AGAP1: variants seen among roughly 807,000 people sequenced by gnomAD.
AGAP1 encodes the protein arf-GAP with GTPase, ANK repeat and PH domain-containing protein 1.
A neutral mutation model predicts 105.3 loss-of-function variants in AGAP1; 29 were observed. The ratio of observed to expected loss-of-function variants is 0.28; its 90% CI spans 0.21 to 0.38. The LOEUF (loss-of-function observed/expected upper bound fraction) is 0.38, where lower values mean the gene tolerates loss of function less well. AGAP1 is among the 10% of genes least tolerant of loss of function. The pLI, the probability that AGAP1 is intolerant of heterozygous loss-of-function variation, is 1.00. For missense variants in AGAP1, 998 were observed against 1,165.1 expected (o/e 0.86, Z 2.09); for synonymous variants, 509 against 485.9 (o/e 1.05, Z -0.63).
In AGAP1 at chr2:236,120,290, G is replaced by A. The variant is rs534251010; in HGVS notation, c.2213G>A (p.Arg738Gln). Residue 738 changes from arginine to glutamine, a missense_variant, in exon 17 of 18, where the codon CGG becomes CAG. By Grantham distance (43) the Arg-to-Gln change is conservative. Around this residue, in one of 3 missense-constraint regions of AGAP1, gnomAD observed 235 missense variants for 270.7 expected, o/e 0.87. Coordinates refer to ENST00000304032, the MANE Select transcript of AGAP1 (RefSeq NM_001037131.3). This position sits in a 1 kb window ranked among gnomAD's most constrained non-coding sequence, Gnocchi z 6.0. ...CTGTCCCTGGGCCAGCACCTGCTGCGGGCCACCGCCGACGAGGACCTGCGG... is the reference window on the plus strand; with the variant it reads ...CTGTCCCTGGGCCAGCACCTGCTGCAGGCCACCGCCGACGAGGACCTGCGG... ...TELSLGQHLL[R>Q]ATADEDLRTA... The A allele has an allele frequency of 1.1e-5, 17 of 1,612,922 alleles. No individual in the cohort carries two copies. Among genetic ancestry groups the A allele is most frequent in the Non-Finnish European group, 1.4e-5 (16 of 1,179,720 alleles).
At position 236,123,246 on chromosome 2, in the gene AGAP1, TA is replaced by T. The variant is rs1306441020; in HGVS notation, c.2371-669del. ...ATGCCACGTGCCCAGCTAATTTTTT[TA>T]AAATGTGTTTTTTTCTAGAGACAGG... is the stretch of plus-strand genomic sequence containing the variant. On this transcript the variant is annotated intron_variant, in intron 17 of 17. Coordinates refer to ENST00000304032, the MANE Select transcript of AGAP1 (RefSeq NM_001037131.3). The surrounding 1 kb of genome is among the most constrained non-coding windows in gnomAD (Gnocchi z 4.6). Among the ~76,000 whole-genome samples the T allele has an allele frequency of 6.6e-6, 1 of 152,130 alleles. No individual in the cohort carries two copies. The highest frequency in any genetic ancestry group is 2.4e-5 in the African/African-American group (1 of 41,424).
At position 236,049,454 on chromosome 2, in the gene AGAP1, G is replaced by A. The variant is rs140211578; in HGVS notation, c.2114+173G>A. 8.8e-4 allele frequency: 516 copies of A among 588,600 alleles called. 2 individuals carry two copies. The highest frequency in any genetic ancestry group is 8.5e-3 in the African/African-American group (461 of 53,928). The allele number at this position is 588,600 out of a possible 1,614,324, so 36.5% of individuals were successfully genotyped here. A position where few individuals can be genotyped will look rare whatever the true frequency, so the allele number is the denominator to read the frequency against. ...TGTTTAAAGTTGGTCTTGAGCAGAC[G>A]TGGATAATTCACACTCCTTAATTTT... On this transcript the variant is annotated intron_variant, in intron 16 of 17. Transcript: ENST00000304032.
rs529305153 is a variant in AGAP1 at position 235,723,102 on chromosome 2, C to T, written c.310+5458C>T. On this transcript the variant is annotated intron_variant, in intron 3 of 17. Coordinates refer to ENST00000304032, the MANE Select transcript of AGAP1 (RefSeq NM_001037131.3). This position sits in a 1 kb window ranked among gnomAD's most constrained non-coding sequence, Gnocchi z 6.2. ...TGCTTTTGCAAGCTCTGCTGGTGTT[C>T]TAGAACCTCACAAGGACTCATCGGC... 7.2e-5 allele frequency among the ~76,000 whole-genome samples: 11 copies of T among 152,262 alleles called. No homozygotes were observed. In the East Asian group the frequency reaches 2.1e-3, roughly 30 times the overall value.
In AGAP1 at chr2:235,799,380, G is replaced by A; in HGVS notation, c.815G>A (p.Gly272Asp). 1 of 1,614,018 alleles carries A rather than the reference G, an allele frequency of 6.2e-7. No individual in the cohort carries two copies. Among genetic ancestry groups the A allele is most frequent in the Non-Finnish European group, 8.5e-7 (1 of 1,179,968 alleles). The change falls in exon 8 of 18, where the codon GGT becomes GAT. Residue 272 changes from glycine (G) to aspartate (D), a missense_variant. Physicochemically the swap from Gly to Asp is moderately conservative, Grantham distance 94. Transcript: ENST00000304032. This position sits in a 1 kb window ranked among gnomAD's most constrained non-coding sequence, Gnocchi z 5.0. ...TAATCATTTCAGACAAGTAATGGAG[G>A]TGGGAGTTTAAGCGACTATTCCTCC... Reference protein sequence around the residue: ...AVHISQTSNGGGSLSDYSSSV... With the variant: ...AVHISQTSNGDGSLSDYSSSV...
Position 235,759,664 on chromosome 2 carries a change from G to C in AGAP1, c.673+9176G>C, listed in dbSNP as rs547922491. 7.9e-5 allele frequency among the ~76,000 whole-genome samples: 12 copies of C among 152,320 alleles called. No individual in the cohort carries two copies. In the Middle Eastern group the frequency reaches 0.01, roughly 130 times the overall value. ...GTGAGGAAGAAGCCTTGGTGGGTTT[G>C]TGTGGGTCTTTCTCTTATGCCATAT... On this transcript the variant is annotated intron_variant, in intron 6 of 17. Coordinates refer to ENST00000304032, the MANE Select transcript of AGAP1 (RefSeq NM_001037131.3).
rs567815530 is a variant in AGAP1, at chr2:236,104,816, C to T, written c.2115-15376C>T. ...AGGCAGGCAGGAGAATCGCTTGAAC[C>T]GGGACCCGGGAGGCGGAGGTAGCAG... On this transcript the variant is annotated intron_variant, in intron 16 of 17. Coordinates refer to ENST00000304032, the MANE Select transcript of AGAP1 (RefSeq NM_001037131.3). This position sits in a 1 kb window ranked among gnomAD's most constrained non-coding sequence, Gnocchi z 4.7. 1.5e-4 allele frequency among the ~76,000 whole-genome samples: 23 copies of T among 151,914 alleles called. No homozygotes were observed. Among genetic ancestry groups the T allele is most frequent in the Non-Finnish European group, 2.6e-4 (18 of 67,954 alleles).
chr2:235,830,290 G>T lies in AGAP1; in HGVS notation c.1050+22959G>T, dbSNP rs1407092423. 6.6e-6 allele frequency among the ~76,000 whole-genome samples: 1 copy of T among 152,194 alleles called. No individual in the cohort carries two copies. Among genetic ancestry groups the T allele is most frequent in the South Asian group, 2.1e-4 (1 of 4,818 alleles). On this transcript the variant is annotated intron_variant, in intron 9 of 17. Transcript: ENST00000304032. The surrounding 1 kb of genome is among the most constrained non-coding windows in gnomAD (Gnocchi z 5.5). ...GAGGATTGGTTTACTTAGTAAATTC[G>T]TTGTATTTTAAAAGTCAGATGGAAT...
Position 236,119,577 on chromosome 2 carries a change from C to T in AGAP1, c.2115-615C>T, listed in dbSNP as rs1356499167. Reference sequence around the variant, plus strand: ...GGGGAGCGCACCGGCTGTCCCTTCCCCCCACCCCCGGCCCAGCTCCAGCCA... The same window carrying T: ...GGGGAGCGCACCGGCTGTCCCTTCCTCCCACCCCCGGCCCAGCTCCAGCCA... On this transcript the variant is annotated intron_variant, in intron 16 of 17. Transcript: ENST00000304032. The surrounding 1 kb of genome is among the most constrained non-coding windows in gnomAD (Gnocchi z 6.6). 1.4e-5 allele frequency among the ~76,000 whole-genome samples: 2 copies of T among 147,378 alleles called. No homozygotes were observed. The highest frequency in any genetic ancestry group is 5.0e-5 in the African/African-American group (2 of 40,322).
chr2:236,063,420 G>C (rs1239525215), intron 16 of AGAP1, among the ~76,000 whole-genome samples: 1 of 152,144 alleles, frequency 6.6e-6, no homozygotes, highest in Non-Finnish European at 1.5e-5. Flanking sequence ...GTGGGGTGTG[G>C]GAAAGACAAG....
intron 9 of AGAP1, among the ~76,000 whole-genome samples, chr2:235,852,181 T>A (rs2048494662): frequency 6.6e-6 from 1 of 152,152 alleles, no homozygotes. Flanking sequence ...TTGGGAAGAT[T>A]TACTCGGGAA....
At position 235,615,675 on chromosome 2, in the gene AGAP1, A is replaced by C. The variant is rs6431391; in HGVS notation, c.164-93504A>C. Among the ~76,000 whole-genome samples the C allele has an allele frequency of 0.035, 5,387 of 152,228 alleles. 302 individuals carry two copies. Among genetic ancestry groups the C allele is most frequent in the African/African-American group, 0.12 (5,061 of 41,504 alleles). ...TCTTGGGGAGCTGGGTTATTGTGAA[A>C]CTAGGTCAAATTATTGTTTTTTCTC... On this transcript the variant is annotated intron_variant, in intron 1 of 17. Coordinates refer to ENST00000304032, the MANE Select transcript of AGAP1 (RefSeq NM_001037131.3). This position sits in a 1 kb window ranked among gnomAD's most constrained non-coding sequence, Gnocchi z 5.0.
At position 235,780,604 on chromosome 2, in the gene AGAP1, C is replaced by T. The variant is rs143393870; in HGVS notation, c.674-17155C>T. 1.7e-3 allele frequency among the ~76,000 whole-genome samples: 252 copies of T among 152,122 alleles called. 1 individual carries two copies. The highest frequency in any genetic ancestry group is 3.1e-3 in the Admixed American group (48 of 15,288). On this transcript the variant is annotated intron_variant, in intron 6 of 17. Coordinates refer to ENST00000304032, the MANE Select transcript of AGAP1 (RefSeq NM_001037131.3). ...GTATGTTTATATTTAAGCTGTGCAACGGTGTAGCTAATGAGAAAGATAAGA... is the reference window on the plus strand; with the variant it reads ...GTATGTTTATATTTAAGCTGTGCAATGGTGTAGCTAATGAGAAAGATAAGA...
At chr2:236,025,957 C>T (rs930026833) in intron 13 of AGAP1, among the ~76,000 whole-genome samples, 12 of 136,448 alleles carry the variant, frequency 8.8e-5, no homozygotes, top group East Asian at 4.4e-4. Context: ...TCTTATGTAA[C>T]GAACTGTAGG....
At chr2:235,990,046 C>A (rs891347414) in intron 13 of AGAP1, among the ~76,000 whole-genome samples, 5 of 152,072 alleles carry the variant, frequency 3.3e-5, no homozygotes, top group African/African-American at 1.2e-4. Flanking sequence ...TGGGCCACAC[C>A]CCAGGACCCA....
chr2:235,797,481 A>G (rs1385558984), intron 6 of AGAP1, among the ~76,000 whole-genome samples: 3 of 149,872 alleles, frequency 2.0e-5, no homozygotes, highest in Non-Finnish European at 4.4e-5. Flanking sequence ...CTCCAGGAAG[A>G]TCCTTAAAAG....
chr2:235,839,144 A>G (rs1167098139), intron 9 of AGAP1, among the ~76,000 whole-genome samples: 1 of 152,200 alleles, frequency 6.6e-6, no homozygotes, highest in African/African-American at 2.4e-5. Flanking sequence ...GTCTGCATTT[A>G]CTGTGAAGCA....
chr2:235,530,439 C>A (rs1255248923), intron 1 of AGAP1, among the ~76,000 whole-genome samples: 1 of 152,174 alleles, frequency 6.6e-6, no homozygotes, highest in Non-Finnish European at 1.5e-5. Context: ...AAACAACACA[C>A]ATTTATTCTG....
intron 1 of AGAP1, among the ~76,000 whole-genome samples, chr2:235,630,522 T>C (rs113002346): frequency 2.6e-5 from 4 of 152,340 alleles, no homozygotes; most frequent in African/African-American, 9.6e-5. Context: ...CTGTACATTG[T>C]TTTTTTAAAG....
intron 1 of AGAP1, chr2:235,506,874 C>T (rs983073082): frequency 2.0e-5 from 3 of 152,468 alleles, no homozygotes; most frequent in Admixed American, 6.5e-5. Flanking sequence ...ACACCTCAGC[C>T]GTCTGCCCAC....
Sources: allele counts gnomAD v4.1 joint callset (sites outside exome capture counted in the v4.1 genomes callset), GRCh38; gene constraint gnomAD v4.1.1; regional missense constraint gnomAD v4.1.1; non-coding constraint Gnocchi (gnomAD v3.1); transcripts MANE v1.5; gene names NCBI Gene and HGNC (gene_info 2026-07-23, HGNC 2026-07-21).